Variants in ZFHX3 observed in about 807,000 individuals in gnomAD.
ZFHX3 encodes the protein zinc finger homeobox 3.
ZFHX3 carries 42 observed loss-of-function variants against 279.1 expected under a neutral mutation model. That is an observed-to-expected ratio of 0.15 (90% CI 0.12 to 0.19). The LOEUF (loss-of-function observed/expected upper bound fraction) is 0.19, where lower values mean the gene tolerates loss of function less well. Ranked by LOEUF, ZFHX3 falls within the 10% of genes least tolerant of loss-of-function variation. The pLI, the probability that ZFHX3 is intolerant of heterozygous loss-of-function variation, is 1.00. For synonymous variants in ZFHX3, 2,293 were observed against 1,957.8 expected (o/e 1.17, Z -4.52); for missense variants, 4,981 against 4,754.0 (o/e 1.05, Z -1.40).
chr16:72,965,154 C>T (rs1961774213), intron 1 of ZFHX3, among the ~76,000 whole-genome samples: 1 of 152,222 alleles, frequency 6.6e-6, no homozygotes, highest in African/African-American at 2.4e-5. Context: ...GCTGGGATTA[C>T]AGGCGTGAGC....
intron 1 of ZFHX3, among the ~76,000 whole-genome samples, chr16:73,806,615 A>T (rs940305052): frequency 2.0e-5 from 3 of 152,158 alleles, no homozygotes; most frequent in Non-Finnish European, 2.9e-5. Context: ...GGGTCAAGTA[A>T]ATCAAATGAG....
At chr16:72,804,157 C>T (rs181914379) in intron 7 of ZFHX3, among the ~76,000 whole-genome samples, 7 of 152,306 alleles carry the variant, frequency 4.6e-5, no homozygotes, top group Admixed American at 3.3e-4. Context: ...GAAACAGAAG[C>T]GTTCCACATT....
At chr16:73,555,185 C>CGCTCT (rs1208517902) in intron 2 of ZFHX3, among the ~76,000 whole-genome samples, 2 of 152,010 alleles carry the variant, frequency 1.3e-5, no homozygotes, top group Admixed American at 6.5e-5. Context: ...GGAGGAGTCT[C>CGCTCT]GCTCTGTCAA....
In ZFHX3 at chr16:72,798,547, T is replaced by A. The variant is rs2143468444; in HGVS notation, c.4135A>T (p.Thr1379Ser). 6.2e-7 allele frequency: 1 copy of A among 1,614,156 alleles called. No individual in the cohort carries two copies. The highest frequency in any genetic ancestry group is 8.5e-7 in the Non-Finnish European group (1 of 1,180,016). Residue 1379 changes from threonine (T) to serine (S), a missense_variant, in exon 9 of 10, where the codon ACG becomes TCG. Thr to Ser is a moderately conservative substitution (Grantham distance 58). Coordinates refer to ENST00000268489, the MANE Select transcript of ZFHX3 (RefSeq NM_006885.4). ...QVFKTSAALQ[T>S]HFNEVHAKRP... ...TTGGCATGCACTTCATTAAAATGCG[T>A]CTGAAGGGCAGCAGAAGTTTTGAAA...
intron 1 of ZFHX3, among the ~76,000 whole-genome samples, chr16:73,701,755 A>G (rs1247880307): frequency 1.3e-5 from 2 of 152,132 alleles, no homozygotes; most frequent in African/African-American, 4.8e-5. Context: ...TTCCTTCACT[A>G]GAATAATATG....
intron 2 of ZFHX3, among the ~76,000 whole-genome samples, chr16:73,645,062 A>G (rs1415538766): frequency 6.6e-6 from 1 of 152,200 alleles, no homozygotes; most frequent in East Asian, 1.9e-4. Flanking sequence ...GTCCATGTTA[A>G]ATTTGCCAGA....
chr16:73,590,252 A>G (rs2051980426), intron 2 of ZFHX3, among the ~76,000 whole-genome samples: 2 of 152,232 alleles, frequency 1.3e-5, no homozygotes, highest in Admixed American at 6.5e-5. Context: ...TAAAAACCAT[A>G]ACTGGCCTGC....
intron 3 of ZFHX3, among the ~76,000 whole-genome samples, chr16:73,448,133 C>T (rs2018218993): frequency 6.6e-6 from 1 of 152,068 alleles, no homozygotes; most frequent in South Asian, 2.1e-4. Flanking sequence ...ATGCTCAGAG[C>T]CCATCCAGGG....
intron 5 of ZFHX3, among the ~76,000 whole-genome samples, chr16:73,227,848 C>CAAAAAAAAAA (rs398029895): frequency 1.5e-4 from 7 of 46,062 alleles, no homozygotes; most frequent in African/African-American, 6.3e-4. Context: ...GATTCTGTCT[C>CAAAAAAAAAA]AAAAAAAAAA....
At chr16:73,247,932 G>A (rs929625943) in intron 5 of ZFHX3, among the ~76,000 whole-genome samples, 3 of 151,674 alleles carry the variant, frequency 2.0e-5, no homozygotes, top group Non-Finnish European at 2.9e-5. Context: ...TATGTGGAGT[G>A]TGTGTGTTCG....
At chr16:73,378,192 C>G (rs914303673) in intron 3 of ZFHX3, among the ~76,000 whole-genome samples, 3 of 151,996 alleles carry the variant, frequency 2.0e-5, no homozygotes, top group Admixed American at 6.6e-5. Context: ...CCTGCTACTC[C>G]CACTAACAGC....
chr16:73,601,897 G>A (rs2052122233), intron 2 of ZFHX3, among the ~76,000 whole-genome samples: 1 of 152,184 alleles, frequency 6.6e-6, no homozygotes, highest in African/African-American at 2.4e-5. Context: ...GTATAATATG[G>A]TCAGGAACAA....
At chr16:73,844,854 ATAGG>A (rs34481608) in intron 1 of ZFHX3, among the ~76,000 whole-genome samples, 15,047 of 150,902 alleles carry the variant, frequency 0.1, 2,053 homozygotes, top group African/African-American at 0.32. Flanking sequence ...TGATAGATGG[ATAGG>A]TAGGTAGGTA....
intron 3 of ZFHX3, among the ~76,000 whole-genome samples, chr16:73,437,491 A>G (rs914586738): frequency 3.3e-5 from 5 of 152,104 alleles, no homozygotes; most frequent in African/African-American, 4.8e-5. Flanking sequence ...CATTATTTTT[A>G]TTTTAAATAT....
intron 5 of ZFHX3, among the ~76,000 whole-genome samples, chr16:73,230,847 G>A (rs892577707): frequency 6.6e-6 from 1 of 152,140 alleles, no homozygotes; most frequent in Non-Finnish European, 1.5e-5. Flanking sequence ...TCCTGCTGCC[G>A]CTGCTGCTGC....
intron 4 of ZFHX3, among the ~76,000 whole-genome samples, chr16:72,859,020 G>C (rs375810331): frequency 1.3e-5 from 2 of 152,206 alleles, no homozygotes; most frequent in African/African-American, 4.8e-5. Flanking sequence ...TGGCCAGCAC[G>C]GGGTATTCCC....
chr16:73,083,404 A>G (rs1349754229), intron 8 of ZFHX3: 1 of 152,256 alleles, frequency 6.6e-6, no homozygotes, highest in Non-Finnish European at 1.5e-5. Context: ...CTGTATCACA[A>G]CTGGTAACAC....
At chr16:73,033,341 C>T (rs1009521002) in intron 1 of ZFHX3, among the ~76,000 whole-genome samples, 2 of 151,284 alleles carry the variant, frequency 1.3e-5, no homozygotes, top group Admixed American at 1.3e-4. Flanking sequence ...CAGGCGCCTC[C>T]GAGGGTTCGT....
intron 4 of ZFHX3, among the ~76,000 whole-genome samples, chr16:73,293,701 C>T (rs190256019): frequency 1.3e-5 from 2 of 152,286 alleles, no homozygotes; most frequent in East Asian, 1.9e-4. Context: ...AATAGAAGAA[C>T]GTGTCCATCA....
Sources: gnomAD v4.1 joint callset for allele counts (sites outside exome capture counted in the v4.1 genomes callset) on GRCh38, gnomAD v4.1.1 for gene constraint, MANE v1.5 for transcripts, NCBI Gene and HGNC (gene_info 2026-07-23, HGNC 2026-07-21) for gene names.